The following TAFA4 variants were observed in gnomAD, a reference collection of about 807,000 sequenced individuals.
TAFA4 encodes chemokine-like protein TAFA-4.
A neutral mutation model predicts 21.1 loss-of-function variants in TAFA4; 20 were observed. The observed-to-expected ratio is 0.95, with a 90% CI of 0.67 to 1.38. The LOEUF (loss-of-function observed/expected upper bound fraction) is 1.38. Among genes scored for constraint, TAFA4 ranks in the 40% most tolerant of loss-of-function variants. TAFA4 has a pLI of 0.00. For missense variants in TAFA4, 211 were observed against 180.9 expected (o/e 1.17, Z -0.95); for synonymous variants, 71 against 67.4 (o/e 1.05, Z -0.26).
intron 3 of TAFA4, among the ~76,000 whole-genome samples, chr3:68,761,947 CA>C (rs1356286561): frequency 6.6e-6 from 1 of 152,010 alleles, no homozygotes; most frequent in Non-Finnish European, 1.5e-5. Context: ...TTAAATAAAC[CA>C]GAGAAAACAA....
chr3:68,829,298 G>C (rs1704323331), intron 3 of TAFA4, among the ~76,000 whole-genome samples: 1 of 152,134 alleles, frequency 6.6e-6, no homozygotes, highest in South Asian at 2.1e-4. Context: ...AAGAAATGGG[G>C]AAAGGATTCC....
At chr3:68,771,892 T>C (rs556396648) in intron 3 of TAFA4, among the ~76,000 whole-genome samples, 8 of 152,340 alleles carry the variant, frequency 5.3e-5, no homozygotes, top group South Asian at 4.1e-4. Context: ...TGCAACCTAA[T>C]TGAGTATTGT....
chr3:68,832,471 G>A (rs550366805), intron 3 of TAFA4, among the ~76,000 whole-genome samples: 2 of 152,278 alleles, frequency 1.3e-5, no homozygotes, highest in South Asian at 4.1e-4. Context: ...GTTTGCTGGA[G>A]GTCCACTCCA....
At chr3:68,827,383 T>C (rs1443555656) in intron 3 of TAFA4, among the ~76,000 whole-genome samples, 1 of 152,182 alleles carries the variant, frequency 6.6e-6, no homozygotes, top group East Asian at 1.9e-4. Context: ...TTATTTATAA[T>C]CCTTTGGATA....
intron 3 of TAFA4, among the ~76,000 whole-genome samples, chr3:68,783,746 T>TAAGA (rs199752997): frequency 9.1e-5 from 7 of 77,294 alleles, no homozygotes; most frequent in Non-Finnish European, 1.6e-4. Context: ...AGAAAGAAAG[T>TAAGA]AAGAAAGAAA....
At chr3:68,782,954 T>C (rs1210974054) in intron 3 of TAFA4, among the ~76,000 whole-genome samples, 3 of 152,194 alleles carry the variant, frequency 2.0e-5, no homozygotes, top group East Asian at 1.9e-4. Flanking sequence ...AATAATAATA[T>C]GTAATGACCA....
intron 4 of TAFA4, among the ~76,000 whole-genome samples, chr3:68,740,883 C>G (rs927270070): frequency 2.0e-5 from 3 of 152,200 alleles, no homozygotes; most frequent in African/African-American, 2.4e-5. Context: ...ATTTTCCCAG[C>G]ACCCTTTATT....
Position 68,731,823 on chromosome 3 carries a change from A to G in TAFA4, c.*1319T>C, listed in dbSNP as rs1474839028. The G allele has an allele frequency of 6.6e-6, 1 of 152,100 alleles. No individual in the cohort carries two copies. Among genetic ancestry groups the G allele is most frequent in the Non-Finnish European group, 1.5e-5 (1 of 67,994 alleles). The allele number at this position is 152,100 out of a possible 1,614,324, so 9.4% of individuals were successfully genotyped here. A position where few individuals can be genotyped will look rare whatever the true frequency, so the allele number is the denominator to read the frequency against. On this transcript the variant is annotated 3_prime_UTR_variant, in exon 6 of 6. Coordinates refer to ENST00000295569, the MANE Select transcript of TAFA4 (RefSeq NM_182522.5). ...CATATGATCATAACAAATATTCAAAAATTACGCCAACAAATCTTTCCATTC... is the reference window on the plus strand; with the variant it reads ...CATATGATCATAACAAATATTCAAAGATTACGCCAACAAATCTTTCCATTC...
chr3:68,755,538 C>A (rs545799509), intron 3 of TAFA4, among the ~76,000 whole-genome samples: 1 of 152,316 alleles, frequency 6.6e-6, no homozygotes, highest in East Asian at 1.9e-4. Context: ...CCCTGTCATC[C>A]CCACCACCAA....
At chr3:68,902,290 A>G (rs17048130) in intron 1 of TAFA4, among the ~76,000 whole-genome samples, 68,921 of 152,036 alleles carry the variant, frequency 0.45, 16,957 homozygotes, top group East Asian at 0.81. Flanking sequence ...ATCTCAAAGC[A>G]GGTATTCCAC....
intron 1 of TAFA4, among the ~76,000 whole-genome samples, chr3:68,905,728 C>G (rs1220485705): frequency 1.3e-5 from 2 of 152,082 alleles, no homozygotes; most frequent in African/African-American, 2.4e-5. Flanking sequence ...CTAGTCAGTG[C>G]GATCTCCCAC....
intron 1 of TAFA4, among the ~76,000 whole-genome samples, chr3:68,899,796 T>G (rs1327587209): frequency 6.6e-6 from 1 of 152,142 alleles, no homozygotes. Flanking sequence ...CTCTTCCTAG[T>G]TTATGCCTTC....
intron 1 of TAFA4, among the ~76,000 whole-genome samples, chr3:68,892,960 CACA>C (rs1403491802): frequency 1.3e-5 from 2 of 152,198 alleles, no homozygotes; most frequent in East Asian, 3.8e-4. Flanking sequence ...AGCATGGCTC[CACA>C]ACTTGTTGTC....
At chr3:68,806,927 G>T (rs1703714450) in intron 3 of TAFA4, among the ~76,000 whole-genome samples, 1 of 152,160 alleles carries the variant, frequency 6.6e-6, no homozygotes, top group Admixed American at 6.6e-5. Context: ...CATCCTGAAA[G>T]GCCTAAGGCA....
chr3:68,736,036 A>T (rs562328055), intron 5 of TAFA4, among the ~76,000 whole-genome samples: 50 of 152,268 alleles, frequency 3.3e-4, no homozygotes, highest in Non-Finnish European at 6.0e-4. Context: ...CTCTAAAGAC[A>T]TAGCTTTTCA....
intron 3 of TAFA4, among the ~76,000 whole-genome samples, chr3:68,781,127 G>A (rs189862285): frequency 7.2e-4 from 110 of 152,048 alleles, no homozygotes; most frequent in African/African-American, 2.6e-3. Context: ...CAAAATGTGT[G>A]AGACATATCT....
chr3:68,779,512 T>C (rs1275286747), intron 3 of TAFA4, among the ~76,000 whole-genome samples: 1 of 152,098 alleles, frequency 6.6e-6, no homozygotes, highest in African/African-American at 2.4e-5. Context: ...CTCTGCTGTG[T>C]GCATCTAGGG....
At chr3:68,880,007 A>G (rs2089598132) in intron 3 of TAFA4, among the ~76,000 whole-genome samples, 2 of 152,134 alleles carry the variant, frequency 1.3e-5, no homozygotes, top group South Asian at 4.1e-4. Flanking sequence ...TTTGCTGGGG[A>G]GTTTCCACTG....
intron 3 of TAFA4, among the ~76,000 whole-genome samples, chr3:68,779,653 ACAAGT>A (rs1213301869): frequency 6.6e-6 from 1 of 152,236 alleles, no homozygotes; most frequent in African/African-American, 2.4e-5. Context: ...GCAGGTGTAC[ACAAGT>A]CAAGAATTGA....
Sources: gnomAD v4.1 joint callset for allele counts (sites outside exome capture counted in the v4.1 genomes callset) on GRCh38, gnomAD v4.1.1 for gene constraint, MANE v1.5 for transcripts, NCBI Gene and HGNC (gene_info 2026-07-23, HGNC 2026-07-21) for gene names.